The following RHOBTB2 variants were observed in gnomAD, a reference collection of about 807,000 sequenced individuals.
RHOBTB2 encodes Rho related BTB domain containing 2, also known as rho-related BTB domain-containing protein 2.
RHOBTB2 carries 39 observed loss-of-function variants against 66.5 expected under a neutral mutation model. The ratio of observed to expected loss-of-function variants is 0.59; its 90% CI spans 0.45 to 0.77. The LOEUF (loss-of-function observed/expected upper bound fraction) is 0.77, where lower values mean the gene tolerates loss of function less well. RHOBTB2 is among the 30% of genes least tolerant of loss of function. The probability of loss-of-function intolerance (pLI) is 0.00; values close to 1 mark genes in which losing one functional copy is unlikely to be tolerated. For synonymous variants in RHOBTB2, 390 were observed against 395.0 expected (o/e 0.99, Z 0.15); for missense variants, 755 against 999.1 (o/e 0.76, Z 3.29).
the RHOBTB2 span, among the ~76,000 whole-genome samples, chr8:22,956,699 T>C: frequency 6.6e-6 from 1 of 152,236 alleles, no homozygotes; most frequent in African/African-American, 2.4e-5. Context: ...TTTGCTCTTG[T>C]TGCCCAAGCT....
At chr8:22,993,849 C>G (rs1177175030) in intron 2 of RHOBTB2, among the ~76,000 whole-genome samples, 1 of 152,212 alleles carries the variant, frequency 6.6e-6, no homozygotes, top group African/African-American at 2.4e-5. Flanking sequence ...TCCTGAAATT[C>G]TAGACTTTTC....
upstream of RHOBTB2, among the ~76,000 whole-genome samples, chr8:22,998,296 G>A (rs1810634319): frequency 6.6e-6 from 1 of 152,168 alleles, no homozygotes; most frequent in African/African-American, 2.4e-5. Flanking sequence ...TATTAGAGTG[G>A]ATTTGCATTT....
the RHOBTB2 span, among the ~76,000 whole-genome samples, chr8:22,951,089 A>C: frequency 5.1e-4 from 78 of 152,182 alleles, no homozygotes; most frequent in East Asian, 0.011. Flanking sequence ...TGCCCAAATA[A>C]TTTCCTCTTA....
chr8:22,988,690 A>C (rs982802868), intron 1 of RHOBTB2, among the ~76,000 whole-genome samples: 3 of 152,178 alleles, frequency 2.0e-5, no homozygotes, highest in Non-Finnish European at 4.4e-5. Flanking sequence ...AATTCCTTCC[A>C]GGGCAACAGA....
chr8:22,975,836 C>T, the RHOBTB2 span, among the ~76,000 whole-genome samples: 1 of 152,078 alleles, frequency 6.6e-6, no homozygotes, highest in Non-Finnish European at 1.5e-5. Flanking sequence ...CCTGTCTCTT[C>T]CTAGATCTCT....
chr8:22,958,653 T>C, the RHOBTB2 span, among the ~76,000 whole-genome samples: 1 of 151,512 alleles, frequency 6.6e-6, no homozygotes, highest in African/African-American at 2.4e-5. Flanking sequence ...TCAAAAAAAT[T>C]AGCTGGGCCT....
At chr8:22,969,462 G>A in the RHOBTB2 span, among the ~76,000 whole-genome samples, 13 of 152,116 alleles carry the variant, frequency 8.5e-5, no homozygotes, top group Non-Finnish European at 1.5e-4. Flanking sequence ...CTTTCCACTC[G>A]AAAAATGTGT....
intron 1 of RHOBTB2, among the ~76,000 whole-genome samples, chr8:22,990,206 C>T (rs186353287): frequency 7.4e-4 from 112 of 152,264 alleles, no homozygotes; most frequent in Middle Eastern, 3.4e-3. Context: ...AAAGGATAAA[C>T]GAAGGAAGGA....
At chr8:23,002,774 T>C (rs2466181) in intron 1 of RHOBTB2, among the ~76,000 whole-genome samples, 137,519 of 152,218 alleles carry the variant, frequency 0.9, 62,137 homozygotes, top group East Asian at 0.96. Context: ...CTGGAGACCA[T>C]GAGGGCACTG....
the RHOBTB2 span, among the ~76,000 whole-genome samples, chr8:22,973,256 T>A: frequency 6.6e-6 from 1 of 152,134 alleles, no homozygotes; most frequent in Admixed American, 6.5e-5. Context: ...ATAGACAGGG[T>A]CTCACTCCCT....
upstream of RHOBTB2, among the ~76,000 whole-genome samples, chr8:22,995,165 T>A (rs1810513818): frequency 6.6e-6 from 1 of 152,186 alleles, no homozygotes; most frequent in Non-Finnish European, 1.5e-5. Flanking sequence ...ACTCCTAACC[T>A]CAAGCTATTC....
In RHOBTB2 at chr8:23,005,343, C is replaced by T. The variant is rs769989979; in HGVS notation, c.193-29C>T. 168 of 1,563,892 alleles carry T rather than the reference C, an allele frequency of 1.1e-4. 1 individual carries two copies. The highest frequency in any genetic ancestry group is 4.8e-4 in the Admixed American group (29 of 59,926). On this transcript the variant is annotated intron_variant, in intron 2 of 9. Coordinates refer to ENST00000251822, the MANE Select transcript of RHOBTB2 (RefSeq NM_015178.3). ...CAGAGGTCCCCAAAACTGCTGCCTT[C>T]GAGTCCCACTCTTCCTCCCCGTCCC...
chr8:22,965,671 C>A, the RHOBTB2 span, among the ~76,000 whole-genome samples: 1 of 152,074 alleles, frequency 6.6e-6, no homozygotes, highest in African/African-American at 2.4e-5. Context: ...CAAGACCAGC[C>A]AATGAGGGAA....
rs1354177109 is a variant in RHOBTB2 at position 23,015,685 on chromosome 8, C to G, written c.1908C>G (p.Cys636Trp). 5.0e-6 allele frequency: 8 copies of G among 1,614,000 alleles called. No homozygotes were observed. Among genetic ancestry groups the G allele is most frequent in the Non-Finnish European group, 5.9e-6 (7 of 1,179,982 alleles). Residue 636 changes from cysteine (C) to tryptophan (W), a missense_variant, in exon 9 of 10, where the codon TGC becomes TGG. Coordinates refer to ENST00000251822, the MANE Select transcript of RHOBTB2 (RefSeq NM_015178.3). ...CCGACTGGTGTCTCCACCACATCTGCACCAACTACAACAACGTGTGCCGCA... is the reference window on the plus strand; with the variant it reads ...CCGACTGGTGTCTCCACCACATCTGGACCAACTACAACAACGTGTGCCGCA... ...QLADWCLHHI[C>W]TNYNNVCRKF...
chr8:23,017,397 G>C lies in RHOBTB2; in HGVS notation c.2112G>C (p.Trp704Cys). Residue 704 changes from tryptophan (W) to cysteine (C), a missense_variant, in exon 10 of 10, where the codon TGG becomes TGC. Trp to Cys is a radical substitution (Grantham distance 215). Around this residue, in one of 7 missense-constraint regions of RHOBTB2, gnomAD observed 353 missense variants for 458.2 expected, o/e 0.77. Transcript: ENST00000251822. This position sits in a 1 kb window ranked among gnomAD's most constrained non-coding sequence, Gnocchi z 5.3. ...KRQPKRRWLFWNSPSSPSSSA... is the reference protein window; with the variant it reads ...KRQPKRRWLFCNSPSSPSSSA... ...AGCCCAAACGGCGTTGGCTCTTCTG[G>C]AACAGTCCATCCTCCCCGTCTTCCT... The C allele has an allele frequency of 6.2e-7, 1 of 1,613,996 alleles. No individual in the cohort carries two copies. Among genetic ancestry groups the C allele is most frequent in the Non-Finnish European group, 8.5e-7 (1 of 1,179,964 alleles).
the RHOBTB2 span, among the ~76,000 whole-genome samples, chr8:22,974,932 C>CT: frequency 6.6e-6 from 1 of 152,098 alleles, no homozygotes; most frequent in East Asian, 1.9e-4. Flanking sequence ...CCAATTGTCC[C>CT]TCTTCATCTG....
chr8:22,988,464 C>T (rs1810342287), intron 1 of RHOBTB2, among the ~76,000 whole-genome samples: 1 of 152,072 alleles, frequency 6.6e-6, no homozygotes, highest in Non-Finnish European at 1.5e-5. Flanking sequence ...ACCTGACCTC[C>T]TTCCCCCTTT....
At chr8:22,996,533 G>A (rs1022725125), upstream of RHOBTB2, among the ~76,000 whole-genome samples, 1 of 142,002 alleles carries the variant, frequency 7.0e-6, no homozygotes, top group Non-Finnish European at 1.5e-5. Flanking sequence ...GTGTGTGTGT[G>A]TGTGTGTGTG....
upstream of RHOBTB2, chr8:22,999,528 A>T: frequency 9.3e-7 from 1 of 1,080,518 alleles, no homozygotes; most frequent in Non-Finnish European, 1.1e-6. Flanking sequence ...GCTTTCCACC[A>T]ACTGCGCGCG....
Sources: gnomAD v4.1 joint callset for allele counts (sites outside exome capture counted in the v4.1 genomes callset) on GRCh38, gnomAD v4.1.1 for gene constraint, gnomAD v4.1.1 regional missense constraint, Gnocchi (gnomAD v3.1) non-coding constraint, MANE v1.5 for transcripts, NCBI Gene and HGNC (gene_info 2026-07-23, HGNC 2026-07-21) for gene names.